The following FAM98B variants were observed in gnomAD, a reference collection of about 807,000 sequenced individuals.
FAM98B encodes tRNA splicing ligase complex subunit 3B.
Under a neutral mutation model 43.9 loss-of-function variants are expected in FAM98B, and 32 were observed. The ratio of observed to expected loss-of-function variants is 0.73; its 90% CI spans 0.55 to 0.98. The LOEUF is 0.98. Ranked by LOEUF, FAM98B falls within the 50% of genes least tolerant of loss-of-function variation. The pLI is 0.00. For missense variants in FAM98B, 514 were observed against 522.9 expected (o/e 0.98, Z 0.17); for synonymous variants, 190 against 174.0 (o/e 1.09, Z -0.72).
In FAM98B at chr15:38,481,675, A is replaced by G; in HGVS notation, c.897+216A>G. The G allele has an allele frequency of 2.9e-6, 4 of 1,363,310 alleles. No homozygotes were observed. In the South Asian group the frequency reaches 6.1e-5, roughly 21 times the overall value. The allele number at this position is 1,363,310 out of a possible 1,614,324, so 84.5% of individuals were successfully genotyped here. The stretch of plus-strand genomic sequence containing the variant: ...TAAATCAAAGTATTTTCTGAATTAG[A>G]GGAATTATGAATTGTTTTTGTCAAA... On this transcript the variant is annotated intron_variant, in intron 7 of 7. Coordinates refer to ENST00000397609, the MANE Select transcript of FAM98B (RefSeq NM_173611.4).
In FAM98B at chr15:38,481,293, T is replaced by G. The variant is rs199750152; in HGVS notation, c.731T>G (p.Val244Gly). Residue 244 changes from valine to glycine, a missense_variant and splice_region_variant, in exon 7 of 8, where the codon GTA (valine) becomes GGA (glycine). Around this residue, in one of 2 missense-constraint regions of FAM98B, gnomAD observed 469 missense variants for 451.8 expected, o/e 1.04. Transcript: ENST00000397609. The stretch of plus-strand genomic sequence containing the variant: ...TTTTCCTTAACTCTTGTCATTTAGG[T>G]AAAAACAGATGATATAGCAAGAATT... ...QSFGWSDRAK[V>G]KTDDIARIYQ... The G allele has an allele frequency of 2.2e-5, 36 of 1,611,694 alleles. No individual in the cohort carries two copies. The highest frequency in any genetic ancestry group is 3.0e-5 in the Non-Finnish European group (35 of 1,177,926).
intron 3 of FAM98B, 36 bp downstream of exon 3, chr15:38,465,439 A>T (rs1302700557): frequency 6.6e-7 from 1 of 1,518,856 alleles, no homozygotes; most frequent in East Asian, 2.3e-5. Context: ...CATGTGTTTG[A>T]CATGGTTTTT....
At chr15:38,464,923 G>A (rs1426400011) in intron 2 of FAM98B, among the ~76,000 whole-genome samples, 2 of 152,226 alleles carry the variant, frequency 1.3e-5, no homozygotes, top group African/African-American at 2.4e-5. Flanking sequence ...TTCACTTGAC[G>A]CAAAGTAAAC....
At chr15:38,463,741 T>G (rs1173215808) in intron 1 of FAM98B, among the ~76,000 whole-genome samples, 1 of 152,122 alleles carries the variant, frequency 6.6e-6, no homozygotes. Context: ...ATAATTTTAC[T>G]GTAAAATGTT....
Position 38,474,236 on chromosome 15 carries a change from C to A in FAM98B, c.667C>A (p.Arg223=). Residue 223 remains arginine (R), a synonymous_variant, in exon 6 of 8, where the codon CGA becomes AGA. Coordinates refer to ENST00000397609, the MANE Select transcript of FAM98B (RefSeq NM_173611.4). ...ALSCEYECRR[R]MLMKRLDVTV... ...TTCCTGTGAATATGAGTGCCGCCGA[C>A]GAATGTTAATGAAACGATTAGATGT... The A allele has an allele frequency of 6.2e-7, 1 of 1,613,796 alleles. No individual in the cohort carries two copies. Among genetic ancestry groups the A allele is most frequent in the South Asian group, 1.1e-5 (1 of 91,068 alleles).
intron 2 of FAM98B, among the ~76,000 whole-genome samples, chr15:38,464,737 G>A (rs1012206874): frequency 3.3e-5 from 5 of 152,074 alleles, no homozygotes; most frequent in East Asian, 1.9e-4. Context: ...TAAAAATTGT[G>A]CATTCACAAA....
intron 3 of FAM98B, 146 bp from the exon 4 acceptor site, chr15:38,470,081 G>A: frequency 1.5e-6 from 1 of 658,154 alleles, no homozygotes. Flanking sequence ...TAAGTGTACA[G>A]TGTTCTACAA....
At position 38,483,709 on chromosome 15, in the gene FAM98B, A is replaced by G. The variant is rs1209509910; in HGVS notation, c.898-546A>G. 4.1e-5 allele frequency: 6 copies of G among 146,346 alleles called. No individual in the cohort carries two copies. The East Asian group carries it at 1.2e-3, about 29-fold the overall frequency. 9.1% of individuals were successfully genotyped at this position (146,346 alleles called of 1,614,324 possible). A position where few individuals can be genotyped will look rare whatever the true frequency, so the allele number is the denominator to read the frequency against. On this transcript the variant is annotated intron_variant, in intron 7 of 7. Transcript: ENST00000397609. ...AATATATATATATATATATATATAT[A>G]TACACTAAGGAATTTGTCATGTATC...
In FAM98B at chr15:38,485,299, C is replaced by A. The variant is rs1890352861; in HGVS notation, c.*640C>A. 1 of 152,184 alleles carries A rather than the reference C, an allele frequency of 6.6e-6. No homozygotes were observed. Among genetic ancestry groups the A allele is most frequent in the Admixed American group, 6.5e-5 (1 of 15,282 alleles). 9.4% of individuals were successfully genotyped at this position (152,184 alleles called of 1,614,324 possible). On this transcript the variant is annotated 3_prime_UTR_variant, in exon 8 of 8. Transcript: ENST00000397609. ...ATTTTCTAATTGGATTTGAAATCAG[C>A]ATGATTTTGTTTGACAAAGCAAAGT...
intron 3 of FAM98B, among the ~76,000 whole-genome samples, chr15:38,469,762 CT>C (rs1370663221): frequency 3.3e-5 from 5 of 150,678 alleles, no homozygotes; most frequent in African/African-American, 1.2e-4. Flanking sequence ...TAGTTTTTTG[CT>C]TGTAGTGCCC....
At chr15:38,480,286 A>T (rs1890263843) in intron 6 of FAM98B, among the ~76,000 whole-genome samples, 1 of 152,212 alleles carries the variant, frequency 6.6e-6, no homozygotes, top group Non-Finnish European at 1.5e-5. Context: ...GATAGCCACC[A>T]GGTCATTCCA....
chr15:38,465,827 G>A (rs79208076), intron 3 of FAM98B, among the ~76,000 whole-genome samples: 24,163 of 151,854 alleles, frequency 0.16, 2,143 homozygotes, highest in East Asian at 0.42. Context: ...ATATATGAGG[G>A]TTGCTTGTTT....
chr15:38,456,491 T>G (rs1467371534), intron 1 of FAM98B, among the ~76,000 whole-genome samples: 2 of 152,258 alleles, frequency 1.3e-5, no homozygotes. Context: ...ATATTGGACC[T>G]CGTTCTGAGG....
At chr15:38,475,562 C>A (rs1239763725) in intron 6 of FAM98B, among the ~76,000 whole-genome samples, 1 of 152,128 alleles carries the variant, frequency 6.6e-6, no homozygotes, top group Non-Finnish European at 1.5e-5. Context: ...GAGCCAGTAG[C>A]CCGGTAGAAT....
rs569732491 is a variant in FAM98B, at chr15:38,458,789, C to A, written c.71+4557C>A. 4.1e-5 allele frequency: 18 copies of A among 437,902 alleles called. 1 individual carries two copies. In the East Asian group the frequency reaches 1.1e-3, roughly 27 times the overall value. 27.1% of individuals were successfully genotyped at this position (437,902 alleles called of 1,614,324 possible). A position where few individuals can be genotyped will look rare whatever the true frequency, so the allele number is the denominator to read the frequency against. ...CCCTACCCAAGGCTGGTATAGATGT[C>A]CTCTGCTCTGCTTCTCAAAGACTGG... is the stretch of plus-strand genomic sequence containing the variant. On this transcript the variant is annotated intron_variant, in intron 1 of 7. Transcript: ENST00000397609.
chr15:38,458,237 A>T (rs1016709663), intron 1 of FAM98B, among the ~76,000 whole-genome samples: 1 of 152,126 alleles, frequency 6.6e-6, no homozygotes, highest in Non-Finnish European at 1.5e-5. Flanking sequence ...GAAATGTCTT[A>T]TTTTTGTCTG....
intron 7 of FAM98B, chr15:38,481,717 T>C (rs1890290806): frequency 1.8e-6 from 2 of 1,081,340 alleles, no homozygotes; most frequent in South Asian, 1.7e-5. Context: ...GCAAGAATTA[T>C]GTTCCATCTT....
rs1421683123 is a variant in FAM98B, at chr15:38,484,703, C to T, written c.*44C>T. The stretch of plus-strand genomic sequence containing the variant: ...AGCAGTGCTTGCTTCTTTATAGATA[C>T]ATTAGAAATAGTGTTCCAAATAACA... On this transcript the variant is annotated 3_prime_UTR_variant, in exon 8 of 8. Transcript: ENST00000397609. The T allele has an allele frequency of 4.0e-6, 6 of 1,491,234 alleles. No homozygotes were observed. Among genetic ancestry groups the T allele is most frequent in the South Asian group, 1.4e-5 (1 of 72,996 alleles). 92.4% of individuals were successfully genotyped at this position (1,491,234 alleles called of 1,614,324 possible).
chr15:38,464,010 A>G, intron 1 of FAM98B, 22 bp from the exon 2 acceptor site: 1 of 1,573,780 alleles, frequency 6.4e-7, no homozygotes, highest in Non-Finnish European at 8.6e-7. Flanking sequence ...TTAGTTTTTA[A>G]CTTGTATTTC....
Sources: allele counts gnomAD v4.1 joint callset (sites outside exome capture counted in the v4.1 genomes callset), GRCh38; gene constraint gnomAD v4.1.1; regional missense constraint gnomAD v4.1.1; transcripts MANE v1.5; gene names NCBI Gene and HGNC (gene_info 2026-07-23, HGNC 2026-07-21).